Variants in TLL1 observed in about 807,000 individuals in gnomAD.
TLL1 encodes the protein tolloid like 1.
TLL1 carries 49 observed loss-of-function variants against 128.2 expected under a neutral mutation model. The observed-to-expected ratio is 0.38, with a 90% CI of 0.30 to 0.48. The LOEUF is 0.48. Among genes scored for constraint, TLL1 ranks in the 20% least tolerant of loss-of-function variants. The pLI is 0.96. For missense variants in TLL1, 1,123 were observed against 1,242.0 expected (o/e 0.90, Z 1.44); for synonymous variants, 454 against 418.8 (o/e 1.08, Z -1.03).
At chr4:166,065,572 G>A (rs991209708) in intron 15 of TLL1, 111 bp from the exon 16 acceptor site, 8 of 1,212,244 alleles carry the variant, frequency 6.6e-6, no homozygotes, top group Non-Finnish European at 9.4e-6. Flanking sequence ...GTTAGTTCTA[G>A]TTTGACTACC....
At chr4:165,898,435 A>G (rs979473875) in intron 1 of TLL1, among the ~76,000 whole-genome samples, 3 of 152,192 alleles carry the variant, frequency 2.0e-5, no homozygotes, top group African/African-American at 7.2e-5. Context: ...AGTTTTTAGC[A>G]TGAAGTCGTG....
chr4:166,075,860 G>T (rs1271638149), intron 17 of TLL1, among the ~76,000 whole-genome samples: 1 of 152,068 alleles, frequency 6.6e-6, no homozygotes, highest in East Asian at 1.9e-4. Context: ...GTTGACCCTT[G>T]TTCCATTTAG....
chr4:165,927,704 A>C (rs568640361), intron 1 of TLL1, among the ~76,000 whole-genome samples: 2 of 152,260 alleles, frequency 1.3e-5, no homozygotes, highest in East Asian at 3.9e-4. Context: ...ATGTCTGGAG[A>C]CATTTTTGAT....
intron 6 of TLL1, among the ~76,000 whole-genome samples, chr4:166,007,715 C>T (rs568928462): frequency 4.6e-5 from 7 of 151,740 alleles, no homozygotes; most frequent in African/African-American, 1.7e-4. Context: ...TTTTCATAGT[C>T]CACCTTTTTT....
At chr4:165,905,933 G>A (rs1732232861) in intron 1 of TLL1, among the ~76,000 whole-genome samples, 1 of 152,030 alleles carries the variant, frequency 6.6e-6, no homozygotes, top group Admixed American at 6.6e-5. Context: ...CCATCATTAC[G>A]TTCTAGGAAT....
chr4:165,875,269 C>G (rs1156797142), intron 1 of TLL1, among the ~76,000 whole-genome samples: 1 of 152,174 alleles, frequency 6.6e-6, no homozygotes, highest in Non-Finnish European at 1.5e-5. Flanking sequence ...AAGCATTATT[C>G]ACCCTCTCTT....
At chr4:166,006,390 A>G (rs915933169) in intron 6 of TLL1, among the ~76,000 whole-genome samples, 1 of 151,814 alleles carries the variant, frequency 6.6e-6, no homozygotes, top group South Asian at 2.1e-4. Context: ...ATGCACGTTA[A>G]GTTCTCAAGT....
Position 166,085,240 on chromosome 4 carries a change from C to CTT in TLL1, c.2443-5876_2443-5875dup, listed in dbSNP as rs35676382. Among the ~76,000 whole-genome samples, 791 of 144,858 alleles carry CTT rather than the reference C, an allele frequency of 5.5e-3. 8 individuals are homozygous for CTT. Among genetic ancestry groups the CTT allele is most frequent in the Middle Eastern group, 0.014 (4 of 278 alleles). ...TCTTCTGCAAACAGGGATAATTTAA[C>CTT]TTTTTTTTTTTTTCAATTTGGATGC... On this transcript the variant is annotated intron_variant, in intron 18 of 20. Coordinates refer to ENST00000061240, the MANE Select transcript of TLL1 (RefSeq NM_012464.5).
chr4:165,957,818 C>T (rs1382670476), intron 1 of TLL1, among the ~76,000 whole-genome samples: 3 of 148,262 alleles, frequency 2.0e-5, no homozygotes, highest in Non-Finnish European at 4.5e-5. Context: ...CCCATTAATT[C>T]GTCATTTAGC....
At chr4:166,093,620 A>G (rs563208830) in intron 19 of TLL1, among the ~76,000 whole-genome samples, 1 of 152,194 alleles carries the variant, frequency 6.6e-6, no homozygotes, top group East Asian at 1.9e-4. Context: ...TCTTTTACTA[A>G]TCCACCTCAG....
intron 1 of TLL1, among the ~76,000 whole-genome samples, chr4:165,963,138 A>G (rs1735200921): frequency 6.6e-6 from 1 of 151,566 alleles, no homozygotes; most frequent in Non-Finnish European, 1.5e-5. Context: ...AGATCAATAG[A>G]TAAATACTGG....
intron 2 of TLL1, among the ~76,000 whole-genome samples, chr4:165,990,129 T>C (rs1421585184): frequency 6.6e-6 from 1 of 151,980 alleles, no homozygotes; most frequent in Admixed American, 6.6e-5. Flanking sequence ...ACTTGATATA[T>C]GTAAAAGATT....
intron 1 of TLL1, among the ~76,000 whole-genome samples, chr4:165,929,396 G>A (rs999621664): frequency 5.9e-5 from 9 of 152,222 alleles, no homozygotes; most frequent in South Asian, 2.1e-4. Flanking sequence ...GAAAGTAGCC[G>A]GGTGTGGTGG....
intron 16 of TLL1, among the ~76,000 whole-genome samples, chr4:166,071,065 G>T (rs188053490): frequency 4.6e-5 from 7 of 151,892 alleles, no homozygotes; most frequent in African/African-American, 1.7e-4. Flanking sequence ...TTTTATGTTG[G>T]GCCTGTGTGT....
intron 8 of TLL1, among the ~76,000 whole-genome samples, chr4:166,021,720 C>T (rs1476405511): frequency 3.3e-5 from 5 of 152,160 alleles, no homozygotes; most frequent in Non-Finnish European, 5.9e-5. Context: ...CGTAAGCCAC[C>T]GCGCCTGGCC....
At position 166,003,528 on chromosome 4, in the gene TLL1, G is replaced by A. The variant is rs1737262867; in HGVS notation, c.770G>A (p.Arg257Gln). The A allele has an allele frequency of 1.2e-6, 2 of 1,613,884 alleles. No individual in the cohort carries two copies. The highest frequency in any genetic ancestry group is 1.7e-6 in the Non-Finnish European group (2 of 1,179,954). The change falls in exon 6 of 21, where the codon CGA becomes CAA. Residue 257 changes from arginine (R) to glutamine (Q), a missense_variant. By Grantham distance (43) the Arg-to-Gln change is conservative (BLOSUM62 1). Around this residue, in one of 3 missense-constraint regions of TLL1, gnomAD observed 480 missense variants for 542.4 expected, o/e 0.89. Coordinates refer to ENST00000061240, the MANE Select transcript of TLL1 (RefSeq NM_012464.5). Reference protein sequence around the residue: ...GFWHEHTRPDRDNHVTIIREN... With the variant: ...GFWHEHTRPDQDNHVTIIREN... ...TGGCATGAACACACAAGACCAGATC[G>A]AGATAACCACGTAACTATCATAAGA... is the stretch of plus-strand genomic sequence containing the variant.
At chr4:165,970,373 T>G (rs775534054) in intron 1 of TLL1, among the ~76,000 whole-genome samples, 2 of 152,166 alleles carry the variant, frequency 1.3e-5, no homozygotes, top group Non-Finnish European at 2.9e-5. Context: ...ACAGTGGGAA[T>G]CTACCACAAC....
At chr4:165,974,233 C>T (rs1735770322) in intron 1 of TLL1, among the ~76,000 whole-genome samples, 1 of 128,264 alleles carries the variant, frequency 7.8e-6, no homozygotes, top group African/African-American at 4.5e-5. Flanking sequence ...CTCCGCCTCC[C>T]GGGTTCACGC....
At chr4:166,057,086 T>C in intron 13 of TLL1, 98 bp from the exon 14 acceptor site, 1 of 1,415,772 alleles carries the variant, frequency 7.1e-7, no homozygotes, top group Non-Finnish European at 9.9e-7. Context: ...GGAGATATCA[T>C]TCAAGGTGAG....
Sources: allele counts gnomAD v4.1 joint callset (sites outside exome capture counted in the v4.1 genomes callset), GRCh38; gene constraint gnomAD v4.1.1; regional missense constraint gnomAD v4.1.1; transcripts MANE v1.5; gene names NCBI Gene and HGNC (gene_info 2026-07-23, HGNC 2026-07-21).